OCA2: variants seen among roughly 807,000 people sequenced by gnomAD.
OCA2 encodes the protein P protein.
Under a neutral mutation model 100.2 loss-of-function variants are expected in OCA2, and 77 were observed. That is an observed-to-expected ratio of 0.77 (90% confidence interval 0.64 to 0.93). The LOEUF (loss-of-function observed/expected upper bound fraction) is 0.93. OCA2 is among the 40% of genes least tolerant of loss of function. The pLI is 0.00. For missense variants in OCA2, 1,062 were observed against 1,089.1 expected, an observed-to-expected ratio of 0.98 and a Z score of 0.35; for synonymous variants, 432 against 439.2, an observed-to-expected ratio of 0.98 and a Z score of 0.21.
chr15:27,794,300 T>C (rs888879827), intron 23 of OCA2, among the ~76,000 whole-genome samples: 1 of 152,068 alleles, frequency 6.6e-6, no homozygotes, highest in Non-Finnish European at 1.5e-5. Context: ...ATGTGGCTCA[T>C]TGTCCCACAA....
chr15:27,991,747 G>T (rs2041563567), intron 9 of OCA2, among the ~76,000 whole-genome samples: 1 of 152,070 alleles, frequency 6.6e-6, no homozygotes, highest in African/African-American at 2.4e-5. Context: ...AATACAAAAA[G>T]AATGTGGCAA....
chr15:28,014,027 C>T (rs534064292), intron 9 of OCA2, among the ~76,000 whole-genome samples: 1 of 152,230 alleles, frequency 6.6e-6, no homozygotes, highest in African/African-American at 2.4e-5. Context: ...CTGGCCACTC[C>T]TCCAGCCTGC....
In OCA2 at chr15:27,758,022, G is replaced by A. The variant is rs529900831; in HGVS notation, c.2433-2550C>T. On this transcript the variant is annotated intron_variant, in intron 23 of 23. Transcript: ENST00000354638. ...TTCTCAAGCAAGATGAAGTGGATGC[G>A]TTTCTTCCAATTCCTCCCACTAAGC... is the stretch of plus-strand genomic sequence containing the variant. 9.2e-5 allele frequency among the ~76,000 whole-genome samples: 14 copies of A among 152,258 alleles called. No individual in the cohort carries two copies. The East Asian group carries it at 1.2e-3, about 13-fold the overall frequency.
chr15:27,743,100 T>C, the OCA2 span, among the ~76,000 whole-genome samples: 1 of 152,180 alleles, frequency 6.6e-6, no homozygotes, highest in Non-Finnish European at 1.5e-5. Flanking sequence ...ACATCTCGCC[T>C]CTTAGCACCC....
At chr15:27,814,951 GATATAT>G (rs71414518) in intron 23 of OCA2, among the ~76,000 whole-genome samples, 1 of 148,634 alleles carries the variant, frequency 6.7e-6, no homozygotes. Flanking sequence ...TAGATACAGA[GATATAT>G]ATATATATAT....
chr15:27,742,163 A>G, the OCA2 span, among the ~76,000 whole-genome samples: 1 of 152,192 alleles, frequency 6.6e-6, no homozygotes, highest in South Asian at 2.1e-4. Context: ...GTCCAGGGCA[A>G]GGTGGGAGGA....
intron 2 of OCA2, among the ~76,000 whole-genome samples, chr15:28,060,735 AC>A (rs1456951403): frequency 6.6e-6 from 1 of 152,192 alleles, no homozygotes; most frequent in African/African-American, 2.4e-5. Flanking sequence ...ATATCCCTTT[AC>A]CCAGTTCTGT....
chr15:27,964,572 C>G (rs530792425), intron 15 of OCA2, among the ~76,000 whole-genome samples: 1 of 152,176 alleles, frequency 6.6e-6, no homozygotes, highest in South Asian at 2.1e-4. Flanking sequence ...GATCAGGGCC[C>G]CTGCCAGTCC....
intron 19 of OCA2, among the ~76,000 whole-genome samples, chr15:27,875,047 T>C (rs1294417215): frequency 4.0e-5 from 6 of 151,866 alleles, no homozygotes; most frequent in African/African-American, 9.7e-5. Context: ...AAATGACAAA[T>C]TGAACCCAAA....
chr15:27,919,689 A>G lies in OCA2; in HGVS notation c.2079+6438T>C, dbSNP rs968540935. On this transcript the variant is annotated intron_variant, in intron 19 of 23. Transcript: ENST00000354638. ...TGGAACTACTCTGTATGATACCATAATGATGGATACATGTCATTATACCTT... is the reference window on the plus strand; with the variant it reads ...TGGAACTACTCTGTATGATACCATAGTGATGGATACATGTCATTATACCTT... Among the ~76,000 whole-genome samples the G allele has an allele frequency of 2.6e-5, 4 of 152,176 alleles. No homozygotes were observed. In the East Asian group the frequency reaches 7.7e-4, roughly 29 times the overall value.
the OCA2 span, among the ~76,000 whole-genome samples, chr15:27,722,902 C>T: frequency 0.044 from 6,635 of 150,868 alleles, 461 homozygotes; most frequent in African/African-American, 0.15. Flanking sequence ...AGTCCAGTGG[C>T]GTGATCTTGA....
chr15:28,018,507 C>G lies in OCA2; in HGVS notation c.697G>C (p.Ala233Pro). The change falls in exon 7 of 24, where the codon GCA becomes CCA. Residue 233 changes from alanine to proline, a missense_variant. Transcript: ENST00000354638. ...VDSTLLQVDL[A>P]GALVASGPSR... ...GGCCCACTGGCCACTAGGGCCCCTG[C>G]CAGGTCCACCTGCAGCAGCGTGGAG... 1 of 1,613,732 alleles carries G rather than the reference C, an allele frequency of 6.2e-7. No individual in the cohort carries two copies. Among genetic ancestry groups the G allele is most frequent in the Non-Finnish European group, 8.5e-7 (1 of 1,179,908 alleles).
chr15:27,905,311 T>C (rs1370494558), intron 19 of OCA2, among the ~76,000 whole-genome samples: 1 of 151,994 alleles, frequency 6.6e-6, no homozygotes. Flanking sequence ...CCACATAATG[T>C]GAAGGTAGAG....
At chr15:28,075,183 T>C (rs1595916527) in intron 2 of OCA2, among the ~76,000 whole-genome samples, 1 of 152,066 alleles carries the variant, frequency 6.6e-6, no homozygotes, top group African/African-American at 2.4e-5. Context: ...AACATCAAAA[T>C]TAAAAATTTC....
chr15:27,832,243 C>A (rs560163617), intron 23 of OCA2, among the ~76,000 whole-genome samples: 1 of 152,348 alleles, frequency 6.6e-6, no homozygotes, highest in East Asian at 1.9e-4. Flanking sequence ...CCTTTCCCCA[C>A]CTGCCCTGCA....
intron 18 of OCA2, among the ~76,000 whole-genome samples, chr15:27,934,436 A>G (rs2140441489): frequency 6.6e-6 from 1 of 152,320 alleles, no homozygotes; most frequent in East Asian, 1.9e-4. Context: ...ATCACATCTG[A>G]TGGTGATTCC....
chr15:27,787,595 A>G (rs1414721858), intron 23 of OCA2, among the ~76,000 whole-genome samples: 4 of 151,998 alleles, frequency 2.6e-5, no homozygotes, highest in African/African-American at 9.7e-5. Flanking sequence ...GTAATGTCTC[A>G]TCTTTCATTT....
At chr15:27,922,729 GTTT>G (rs1417717203) in intron 19 of OCA2, among the ~76,000 whole-genome samples, 1 of 147,890 alleles carries the variant, frequency 6.8e-6, no homozygotes, top group Admixed American at 6.8e-5. Context: ...GTGTTTCTGT[GTTT>G]GTTTCTCCCA....
chr15:28,052,314 C>T (rs527561520), intron 2 of OCA2, among the ~76,000 whole-genome samples: 4 of 152,298 alleles, frequency 2.6e-5, no homozygotes, highest in Admixed American at 2.6e-4. Context: ...CAATTAACTC[C>T]CCAACTAATG....
Sources: gnomAD v4.1 joint callset for allele counts (sites outside exome capture counted in the v4.1 genomes callset) on GRCh38, gnomAD v4.1.1 for gene constraint, MANE v1.5 for transcripts, NCBI Gene and HGNC (gene_info 2026-07-23, HGNC 2026-07-21) for gene names.